The following KCNJ18 variants were observed in gnomAD, a reference collection of about 807,000 sequenced individuals.
KCNJ18 encodes potassium inwardly rectifying channel subfamily J member 18, also known as inward rectifier potassium channel 18.
KCNJ18 carries 16 observed loss-of-function variants against 17.3 expected under a neutral mutation model. The ratio of observed to expected loss-of-function variants is 0.92; its 90% CI spans 0.62 to 1.40. The LOEUF is 1.40. Ranked by LOEUF, KCNJ18 falls within the 40% of genes most tolerant of loss-of-function variation. The probability of loss-of-function intolerance (pLI) is 0.00; values close to 1 mark genes in which losing one functional copy is unlikely to be tolerated. For synonymous variants in KCNJ18, 185 were observed against 262.6 expected (o/e 0.70, Z 2.86); for missense variants, 462 against 626.8 (o/e 0.74, Z 2.81).
chr17:21,702,363 A>C (rs1477536032), intron 2 of KCNJ18, among the ~76,000 whole-genome samples: 1,785 of 152,064 alleles, frequency 0.012, 44 homozygotes, highest in African/African-American at 0.041. Context: ...GCTGCCATGG[A>C]GACTGGGGGG....
intron 2 of KCNJ18, among the ~76,000 whole-genome samples, chr17:21,699,742 G>C (rs1370031346): frequency 6.6e-6 from 1 of 152,308 alleles, no homozygotes; most frequent in Non-Finnish European, 1.5e-5. Context: ...ACACCATCTG[G>C]GCAGGTCTGG....
chr17:21,696,691 AG>A (rs1241554745), intron 2 of KCNJ18, among the ~76,000 whole-genome samples: 1 of 152,116 alleles, frequency 6.6e-6, no homozygotes, highest in African/African-American at 2.4e-5. Flanking sequence ...AGGATCCTAA[AG>A]GGGGCCAGGG....
At chr17:21,699,562 ACT>A (rs1226893132) in intron 2 of KCNJ18, among the ~76,000 whole-genome samples, 1 of 151,980 alleles carries the variant, frequency 6.6e-6, no homozygotes, top group East Asian at 1.9e-4. Context: ...CTGGGCTCCA[ACT>A]CTCTCTTCTG....
At chr17:21,698,165 G>A (rs1213367683) in intron 2 of KCNJ18, among the ~76,000 whole-genome samples, 26 of 152,208 alleles carry the variant, frequency 1.7e-4, no homozygotes, top group Middle Eastern at 3.4e-3. Flanking sequence ...GCAGTGCCAC[G>A]CACACAGTCA....
chr17:21,704,283 G>A lies in KCNJ18; in HGVS notation c.*195G>A, dbSNP rs1252348562. 1.9e-5 allele frequency: 13 copies of A among 671,088 alleles called. No individual in the cohort carries two copies. The highest frequency in any genetic ancestry group is 3.2e-5 in the Admixed American group (1 of 30,874). 41.6% of individuals were successfully genotyped at this position (671,088 alleles called of 1,614,324 possible). A position where few individuals can be genotyped will look rare whatever the true frequency, so the allele number is the denominator to read the frequency against. On this transcript the variant is annotated 3_prime_UTR_variant, in exon 3 of 3. Transcript: ENST00000567955. ...GGGGGCAGCCAGAGCGGCAGCCCCC[G>A]GCCTCAGAGGCTATCACAGGCTCAG...
intron 2 of KCNJ18, among the ~76,000 whole-genome samples, chr17:21,698,680 C>A (rs1168701487): frequency 6.6e-6 from 1 of 152,134 alleles, no homozygotes; most frequent in Admixed American, 6.5e-5. Context: ...CCGGAAGCAC[C>A]TCCCGGTGAC....
chr17:21,693,104 A>T (rs1462815906), intron 1 of KCNJ18, among the ~76,000 whole-genome samples: 2 of 152,304 alleles, frequency 1.3e-5, no homozygotes, highest in Non-Finnish European at 2.9e-5. Context: ...CCCATCCAGG[A>T]TTGTGACCAT....
At chr17:21,695,379 C>A (rs1203416911) in intron 1 of KCNJ18, among the ~76,000 whole-genome samples, 1 of 152,216 alleles carries the variant, frequency 6.6e-6, no homozygotes, top group Non-Finnish European at 1.5e-5. Flanking sequence ...TATACCCACT[C>A]ATCCATTTAT....
At position 21,702,715 on chromosome 17, in the gene KCNJ18, G is replaced by C. The variant is rs1214199237; in HGVS notation, c.-56-16G>C. On this transcript the variant is annotated splice_polypyrimidine_tract_variant and intron_variant, in intron 2 of 2. Coordinates refer to ENST00000567955, the MANE Select transcript of KCNJ18 (RefSeq NM_001194958.2). ...AGCCACCAGCCCAGCCAGACATGCT[G>C]TCCTCTCTGTTCCAGGAGCCGCCCT... The C allele has an allele frequency of 4.2e-5, 63 of 1,501,006 alleles. No homozygotes were observed. The highest frequency in any genetic ancestry group is 5.5e-5 in the Non-Finnish European group (61 of 1,115,962). The allele number at this position is 1,501,006 out of a possible 1,614,324, so 93.0% of individuals were successfully genotyped here.
In KCNJ18 at chr17:21,702,743, C is replaced by G. The variant is rs1328761049; in HGVS notation, c.-44C>G. The G allele has an allele frequency of 1.3e-6, 2 of 1,543,108 alleles. No homozygotes were observed. The highest frequency in any genetic ancestry group is 1.7e-6 in the Non-Finnish European group (2 of 1,150,798). On this transcript the variant is annotated 5_prime_UTR_variant, in exon 3 of 3. Coordinates refer to ENST00000567955, the MANE Select transcript of KCNJ18 (RefSeq NM_001194958.2). ...CTCTCTGTTCCAGGAGCCGCCCTGC[C>G]TGGAGCTAGCCTGGGGGTGAGCCAG...
chr17:21,692,779 AGGCCTCTCCAGGGAGGGTGAC>A (rs1357416745), intron 1 of KCNJ18, 65 bp downstream of exon 1: 2 of 152,656 alleles, frequency 1.3e-5, no homozygotes, highest in African/African-American at 4.8e-5. Context: ...GGGGGCTGCC[AGGCCTCTCCAGGGAGGGTGAC>A]GGCTGCCACC....
chr17:21,704,288 CAG>C lies in KCNJ18; in HGVS notation c.*203_*204del, dbSNP rs1280088634. ...CAGCCAGAGCGGCAGCCCCCGGCCT[CAG>C]AGGCTATCACAGGCTCAGGGCAAAG... On this transcript the variant is annotated 3_prime_UTR_variant, in exon 3 of 3. Transcript: ENST00000567955. The C allele has an allele frequency of 1.8e-5, 12 of 661,772 alleles. No individual in the cohort carries two copies. The highest frequency in any genetic ancestry group is 3.0e-5 in the Non-Finnish European group (12 of 400,460). The allele number at this position is 661,772 out of a possible 1,614,324, so 41.0% of individuals were successfully genotyped here.
intron 2 of KCNJ18, among the ~76,000 whole-genome samples, chr17:21,698,338 G>T (rs1956197170): frequency 1.3e-5 from 2 of 152,048 alleles, no homozygotes; most frequent in East Asian, 3.9e-4. Context: ...TGATGGAAGG[G>T]ATTAAATGAA....
chr17:21,702,600 G>A, intron 2 of KCNJ18, 131 bp from the exon 3 acceptor site: 1 of 794,676 alleles, frequency 1.3e-6, no homozygotes, highest in South Asian at 1.8e-5. Context: ...GCTGGCTTAG[G>A]CAAGACCAGA....
chr17:21,702,706 A>G (rs1476881030), intron 2 of KCNJ18, 25 bp from the exon 3 acceptor site: 8 of 1,476,078 alleles, frequency 5.4e-6, no homozygotes, highest in African/African-American at 1.4e-5. Flanking sequence ...CAGCCCAGCC[A>G]GACATGCTGT....
At chr17:21,698,727 G>A (rs1368496077) in intron 2 of KCNJ18, among the ~76,000 whole-genome samples, 35 of 152,072 alleles carry the variant, frequency 2.3e-4, no homozygotes, top group Admixed American at 5.2e-4. Context: ...GGCAGCTGCC[G>A]TCTGGCATCC....
At chr17:21,698,435 G>A (rs1184454403) in intron 2 of KCNJ18, among the ~76,000 whole-genome samples, 19 of 152,130 alleles carry the variant, frequency 1.2e-4, no homozygotes, top group African/African-American at 2.9e-4. Context: ...CTCATGAGGC[G>A]CCCTAGCTAG....
chr17:21,693,302 T>C (rs1284613701), intron 1 of KCNJ18, among the ~76,000 whole-genome samples: 2 of 152,206 alleles, frequency 1.3e-5, no homozygotes, highest in African/African-American at 2.4e-5. Flanking sequence ...CTGTGTAGAG[T>C]AGAGCTAATT....
chr17:21,692,915 C>T (rs1657710), intron 1 of KCNJ18, among the ~76,000 whole-genome samples: 624 of 152,244 alleles, frequency 4.1e-3, no homozygotes, highest in Non-Finnish European at 7.2e-3. Context: ...CGACACCAGC[C>T]TCATTTTTCA....
Sources: gnomAD v4.1 joint callset for allele counts (sites outside exome capture counted in the v4.1 genomes callset) on GRCh38, gnomAD v4.1.1 for gene constraint, MANE v1.5 for transcripts, NCBI Gene and HGNC (gene_info 2026-07-23, HGNC 2026-07-21) for gene names.